The following HPSE2 variants were observed in gnomAD, a reference collection of about 807,000 sequenced individuals.
HPSE2 encodes the protein inactive heparanase-2.
In HPSE2, 38 loss-of-function variants were observed where a neutral mutation model predicts 60.5. The ratio of observed to expected loss-of-function variants is 0.63; its 90% confidence interval spans 0.48 to 0.82. HPSE2 has a LOEUF of 0.82. Among genes scored for constraint, HPSE2 ranks in the 40% least tolerant of loss-of-function variants. The pLI is 0.00. For missense variants in HPSE2, 713 were observed against 740.4 expected (o/e 0.96, Z 0.43); for synonymous variants, 295 against 293.2 (o/e 1.01, Z -0.06).
chr10:98,567,207 G>A (rs1349625965), intron 9 of HPSE2, among the ~76,000 whole-genome samples: 1 of 152,216 alleles, frequency 6.6e-6, no homozygotes, highest in African/African-American at 2.4e-5. Flanking sequence ...TGTAGTGTGA[G>A]ACAGGATGAG....
At chr10:98,705,371 A>T (rs1375479785) in intron 5 of HPSE2, among the ~76,000 whole-genome samples, 1 of 152,258 alleles carries the variant, frequency 6.6e-6, no homozygotes, top group Non-Finnish European at 1.5e-5. Context: ...ATCTAGAACC[A>T]GAAATACCAT....
chr10:98,715,959 G>T (rs1948779620), intron 5 of HPSE2, among the ~76,000 whole-genome samples: 1 of 151,906 alleles, frequency 6.6e-6, no homozygotes, highest in Non-Finnish European at 1.5e-5. Flanking sequence ...CTGTTTGATG[G>T]CATTATACCC....
At chr10:98,579,003 C>T (rs1425470785) in intron 9 of HPSE2, among the ~76,000 whole-genome samples, 1 of 152,192 alleles carries the variant, frequency 6.6e-6, no homozygotes, top group Non-Finnish European at 1.5e-5. Flanking sequence ...GTGAAATTTA[C>T]ACAGGAATTT....
At chr10:99,129,395 C>T (rs886166417) in intron 3 of HPSE2, among the ~76,000 whole-genome samples, 3 of 152,206 alleles carry the variant, frequency 2.0e-5, no homozygotes, top group South Asian at 4.2e-4. Context: ...CAAAACAAGT[C>T]TCAATACATT....
chr10:98,501,962 AAAAC>A (rs1178793797), intron 9 of HPSE2, among the ~76,000 whole-genome samples: 1 of 152,140 alleles, frequency 6.6e-6, no homozygotes, highest in East Asian at 1.9e-4. Context: ...TGCAAAAAAA[AAAAC>A]AAACTTAAAA....
At chr10:98,988,980 A>C (rs1450795416) in intron 3 of HPSE2, among the ~76,000 whole-genome samples, 14 of 147,820 alleles carry the variant, frequency 9.5e-5, no homozygotes, top group South Asian at 2.3e-4. Flanking sequence ...GGCAATCATT[A>C]AAAAGTCAGG....
intron 3 of HPSE2, chr10:99,014,050 C>T (rs1957077980): frequency 4.9e-6 from 1 of 205,196 alleles, no homozygotes; most frequent in African/African-American, 2.4e-5. Context: ...GAGCCTCTGC[C>T]TCTGCAGCTG....
chr10:98,659,357 C>T (rs868266807), intron 6 of HPSE2, among the ~76,000 whole-genome samples: 1 of 152,126 alleles, frequency 6.6e-6, no homozygotes, highest in African/African-American at 2.4e-5. Context: ...AAAAAATCCA[C>T]GTATAAATGA....
intron 2 of HPSE2, among the ~76,000 whole-genome samples, chr10:99,219,634 T>C (rs1273070628): frequency 1.3e-5 from 2 of 152,224 alleles, no homozygotes; most frequent in African/African-American, 4.8e-5. Context: ...CCAGCTCTTC[T>C]ACGTAAAAGC....
chr10:99,248,891 G>T, the HPSE2 span, among the ~76,000 whole-genome samples: 5 of 152,332 alleles, frequency 3.3e-5, no homozygotes, highest in South Asian at 8.3e-4. Context: ...ATTCCAGAGG[G>T]TGCAAACCAT....
chr10:98,531,473 G>A (rs988305567), intron 9 of HPSE2, among the ~76,000 whole-genome samples: 8 of 152,202 alleles, frequency 5.3e-5, no homozygotes, highest in Admixed American at 3.3e-4. Flanking sequence ...CACACTGGTA[G>A]TCACTGCTGG....
chr10:98,588,230 A>C (rs1025976665), intron 9 of HPSE2, among the ~76,000 whole-genome samples: 2 of 152,228 alleles, frequency 1.3e-5, no homozygotes, highest in African/African-American at 4.8e-5. Context: ...GAAGCCTTAG[A>C]GAGGATTGAG....
At chr10:99,183,669 C>T (rs1161695684) in intron 2 of HPSE2, among the ~76,000 whole-genome samples, 1 of 152,198 alleles carries the variant, frequency 6.6e-6, no homozygotes, top group Admixed American at 6.5e-5. Flanking sequence ...CAATTAAAGC[C>T]TTCTTCCTGG....
intron 3 of HPSE2, among the ~76,000 whole-genome samples, chr10:98,969,241 C>T (rs1011382007): frequency 2.0e-5 from 3 of 152,000 alleles, no homozygotes; most frequent in African/African-American, 7.3e-5. Context: ...AATATAAGCA[C>T]CAAAATTTCA....
chr10:99,182,020 A>G (rs1847798199), intron 2 of HPSE2, among the ~76,000 whole-genome samples: 3 of 152,010 alleles, frequency 2.0e-5, no homozygotes, highest in South Asian at 2.1e-4. Flanking sequence ...AAGAAACTAA[A>G]CCTCCTGACA....
chr10:98,852,528 C>T (rs1158798408), intron 3 of HPSE2, among the ~76,000 whole-genome samples: 2 of 152,122 alleles, frequency 1.3e-5, no homozygotes, highest in Non-Finnish European at 2.9e-5. Flanking sequence ...TCAAAATGAA[C>T]CCTGCCCCAT....
intron 2 of HPSE2, among the ~76,000 whole-genome samples, chr10:99,183,243 C>T (rs568078403): frequency 7.9e-5 from 12 of 152,102 alleles, no homozygotes; most frequent in East Asian, 3.9e-4. Context: ...GTATAGGAGA[C>T]GGATTTTCAC....
intron 5 of HPSE2, among the ~76,000 whole-genome samples, chr10:98,700,253 G>A (rs79014557): frequency 6.8e-6 from 1 of 146,010 alleles, no homozygotes; most frequent in Admixed American, 6.9e-5. Context: ...ATACTACAAG[G>A]CTACAGTAAC....
At chr10:99,223,564 C>T (rs1284348929) in intron 2 of HPSE2, among the ~76,000 whole-genome samples, 2 of 152,156 alleles carry the variant, frequency 1.3e-5, no homozygotes, top group Non-Finnish European at 2.9e-5. Flanking sequence ...ATACATTTCA[C>T]TCTTCATTAT....
Sources: allele counts gnomAD v4.1 joint callset (sites outside exome capture counted in the v4.1 genomes callset), GRCh38; gene constraint gnomAD v4.1.1; transcripts MANE v1.5; gene names NCBI Gene and HGNC (gene_info 2026-07-23, HGNC 2026-07-21).